SMG7: variants seen among roughly 807,000 people sequenced by gnomAD.
The protein encoded by SMG7 is nonsense-mediated mRNA decay factor SMG7.
SMG7 carries 34 observed loss-of-function variants against 148.2 expected under a neutral mutation model. The observed-to-expected ratio is 0.23, with a 90% confidence interval of 0.17 to 0.31. The LOEUF (loss-of-function observed/expected upper bound fraction) is 0.31, where lower values mean the gene tolerates loss of function less well. SMG7 is among the 10% of genes least tolerant of loss of function. The pLI, the probability that SMG7 is intolerant of heterozygous loss-of-function variation, is 1.00. For missense variants in SMG7, 1,114 were observed against 1,408.4 expected (o/e 0.79, Z 3.35); for synonymous variants, 492 against 515.1 (o/e 0.96, Z 0.61).
Position 183,545,177 on chromosome 1 carries a change from A to G in SMG7, c.2235A>G (p.Thr745=), listed in dbSNP as rs1168766999. 2 of 1,614,096 alleles carry G rather than the reference A, an allele frequency of 1.2e-6. No individual in the cohort carries two copies. Among genetic ancestry groups the G allele is most frequent in the South Asian group, 1.1e-5 (1 of 91,084 alleles). ...AGCCACCTTCCCAGCAACCCCTTAC[A>G]TCTTTACCAGCTCAGCCAACAGCAC... ...QSQPPSQQPL[T]SLPAQPTAQS... The change falls in exon 16 of 23, where the codon ACA becomes ACG. Residue 745 remains threonine, a synonymous_variant. Transcript: ENST00000688051.
chr1:183,500,866 A>G (rs1336795972), intron 1 of SMG7, among the ~76,000 whole-genome samples: 3 of 152,192 alleles, frequency 2.0e-5, no homozygotes, highest in Non-Finnish European at 4.4e-5. Context: ...GTGGCACTTT[A>G]TATGCTATGC....
chr1:183,539,561 C>T (rs1338242505), intron 12 of SMG7, among the ~76,000 whole-genome samples: 1 of 152,180 alleles, frequency 6.6e-6, no homozygotes, highest in Non-Finnish European at 1.5e-5. Flanking sequence ...GATGCATATT[C>T]TAACAATCTG....
chr1:183,542,269 T>C lies in SMG7; in HGVS notation c.1609T>C (p.Cys537Arg). The change falls in exon 14 of 23, where the codon TGT (cysteine) becomes CGT (arginine). Residue 537 changes from cysteine to arginine, a missense_variant. By Grantham distance (180) the Cys-to-Arg change is radical. Transcript: ENST00000688051. ...TACAAGCCGAAATTTAAGCAACAAC[T>C]GTGACACAGGAGAGAAGCCAGTGGT... The part of the protein sequence containing the change: ...LSTSRNLSNN[C>R]DTGEKPVVTF... 6.2e-7 allele frequency: 1 copy of C among 1,614,028 alleles called. No homozygotes were observed. The highest frequency in any genetic ancestry group is 8.5e-7 in the Non-Finnish European group (1 of 1,179,964).
rs1210550808 is a variant in SMG7 at position 183,494,231 on chromosome 1, T to C, written c.30-18606T>C. Among the ~76,000 whole-genome samples the C allele has an allele frequency of 2.0e-5, 3 of 152,032 alleles. No individual in the cohort carries two copies. In the East Asian group the frequency reaches 5.8e-4, roughly 29 times the overall value. On this transcript the variant is annotated intron_variant, in intron 1 of 22. Coordinates refer to ENST00000688051, the MANE Select transcript of SMG7 (RefSeq NM_001375584.1). ...ATTTATATTATGCACCTTTATATTA[T>C]ATAATTTTATGTATAATATAAAATG...
At chr1:183,499,787 G>A (rs537459008) in intron 1 of SMG7, among the ~76,000 whole-genome samples, 3 of 152,044 alleles carry the variant, frequency 2.0e-5, no homozygotes, top group South Asian at 2.1e-4. Context: ...TTGGTGTGCC[G>A]TTACTTACAT....
intron 17 of SMG7, 116 bp from the exon 18 acceptor site, chr1:183,546,987 C>A: frequency 1.0e-6 from 1 of 977,984 alleles, no homozygotes; most frequent in Non-Finnish European, 1.5e-6. Flanking sequence ...TGCCTAATAC[C>A]ATCTATCTCA....
intron 17 of SMG7, among the ~76,000 whole-genome samples, 189 bp from the exon 18 acceptor site, chr1:183,546,914 G>C (rs1670017229): frequency 6.6e-6 from 1 of 152,092 alleles, no homozygotes; most frequent in Non-Finnish European, 1.5e-5. Flanking sequence ...CTATTGTCTT[G>C]AACTTTCTCC....
At chr1:183,480,144 T>C (rs1653700633) in intron 1 of SMG7, among the ~76,000 whole-genome samples, 1 of 152,162 alleles carries the variant, frequency 6.6e-6, no homozygotes, top group South Asian at 2.1e-4. Context: ...TTCCTTTAAC[T>C]GTACTCTTTA....
chr1:183,549,782 A>G lies in SMG7; in HGVS notation c.2992A>G (p.Ser998Gly), dbSNP rs1670641814. Residue 998 changes from serine to glycine, a missense_variant, in exon 20 of 23, where the codon AGT (serine) becomes GGT (glycine). Physicochemically the swap from Ser to Gly is moderately conservative, Grantham distance 56 (BLOSUM62 0). Coordinates refer to ENST00000688051, the MANE Select transcript of SMG7 (RefSeq NM_001375584.1). ...CTTTCAGGAAAGATACCCAAATAAT[A>G]GTATGTTCAATGAGGTATATGGGAA... ...SLNQERYPNN[S>G]MFNEVYGKNL... The G allele has an allele frequency of 1.2e-6, 2 of 1,613,594 alleles. No homozygotes were observed. The highest frequency in any genetic ancestry group is 1.1e-5 in the South Asian group (1 of 91,080).
chr1:183,517,592 A>G (rs1663834793), intron 3 of SMG7, 96 bp from the exon 4 acceptor site: 1 of 1,126,804 alleles, frequency 8.9e-7, no homozygotes, highest in Non-Finnish European at 1.4e-6. Context: ...CTCGTGTGGT[A>G]TAATTATAAC....
intron 17 of SMG7, 27 bp downstream of exon 17, chr1:183,546,364 A>G: frequency 2.5e-6 from 4 of 1,584,664 alleles, no homozygotes; most frequent in South Asian, 1.1e-5. Flanking sequence ...ATCACCAGGC[A>G]ATTTGGAGAT....
Position 183,553,619 on chromosome 1 carries a change from C to CCA in SMG7, c.*1689_*1690insAC, listed in dbSNP as rs972639445. The CCA allele has an allele frequency of 1.2e-5, 2 of 161,244 alleles. No individual in the cohort carries two copies. Among genetic ancestry groups the CCA allele is most frequent in the Non-Finnish European group, 2.7e-5 (2 of 74,282 alleles). The allele number at this position is 161,244 out of a possible 1,614,324, so 10.0% of individuals were successfully genotyped here. ...AGAGAGTGGTTGGAGCCCCCCCCGC[C>CCA]CCGTATGCTTACATTATTGCTCTTT... On this transcript the variant is annotated 3_prime_UTR_variant, in exon 23 of 23. Coordinates refer to ENST00000688051, the MANE Select transcript of SMG7 (RefSeq NM_001375584.1).
intron 1 of SMG7, among the ~76,000 whole-genome samples, chr1:183,477,235 C>A (rs1652439035): frequency 6.6e-6 from 1 of 152,150 alleles, no homozygotes; most frequent in Non-Finnish European, 1.5e-5. Context: ...AGCCACTGTT[C>A]ATACTCTATG....
In SMG7 at chr1:183,515,931, A is replaced by G. The variant is rs770227109; in HGVS notation, c.119A>G (p.Tyr40Cys). 6.2e-6 allele frequency: 10 copies of G among 1,613,758 alleles called. No homozygotes were observed. The highest frequency in any genetic ancestry group is 1.7e-6 in the Non-Finnish European group (2 of 1,179,766). Residue 40 changes from tyrosine (Y) to cysteine (C), a missense_variant, in exon 3 of 23, where the codon TAC (tyrosine) becomes TGC (cysteine). Physicochemically the swap from Tyr to Cys is radical, Grantham distance 194. Coordinates refer to ENST00000688051, the MANE Select transcript of SMG7 (RefSeq NM_001375584.1). ...WTSRQALQDLYQKMLVTDLEY... is the reference protein window; with the variant it reads ...WTSRQALQDLCQKMLVTDLEY... ...TCCAGGCAGGCTCTGCAGGACCTGT[A>G]CCAGAAAATGCTAGTTACCGATTTG...
intron 8 of SMG7, among the ~76,000 whole-genome samples, chr1:183,531,580 T>TA (rs900718140): frequency 1.3e-5 from 2 of 152,148 alleles, no homozygotes; most frequent in African/African-American, 4.8e-5. Context: ...CTTTTAGAGA[T>TA]ATAGGGGAAA....
intron 1 of SMG7, chr1:183,502,499 T>C: frequency 1.1e-6 from 1 of 941,698 alleles, no homozygotes; most frequent in South Asian, 2.6e-5. Flanking sequence ...CTGAAACATT[T>C]GATTTTGGCC....
Position 183,547,117 on chromosome 1 carries a change from C to T in SMG7, c.2757C>T (p.Ser919=). The stretch of plus-strand genomic sequence containing the variant: ...TCTGTCACTAGGACCCCAAGAGCTC[C>T]CCTCTGCTTCCTCCGGACCTGTTAA... ...PRMPFEDPKS[S]PLLPPDLLKS... Residue 919 remains serine (S), a synonymous_variant, in exon 18 of 23, where the codon TCC becomes TCT. Coordinates refer to ENST00000688051, the MANE Select transcript of SMG7 (RefSeq NM_001375584.1). 1.9e-6 allele frequency: 3 copies of T among 1,549,924 alleles called. No individual in the cohort carries two copies. The highest frequency in any genetic ancestry group is 2.6e-6 in the Non-Finnish European group (3 of 1,146,656).
intron 3 of SMG7, among the ~76,000 whole-genome samples, chr1:183,516,351 A>G (rs1388729238): frequency 6.6e-6 from 1 of 152,232 alleles, no homozygotes; most frequent in African/African-American, 2.4e-5. Context: ...AGGCTTTAGA[A>G]AAATCTTTCT....
chr1:183,546,195 C>T lies in SMG7; in HGVS notation c.2600C>T (p.Pro867Leu), dbSNP rs113305929. 1 of 1,614,046 alleles carries T rather than the reference C, an allele frequency of 6.2e-7. No homozygotes were observed. Among genetic ancestry groups the T allele is most frequent in the Non-Finnish European group, 8.5e-7 (1 of 1,179,990 alleles). The change falls in exon 17 of 23, where the codon CCA becomes CTA. Residue 867 changes from proline to leucine, a missense_variant. This residue lies in a region of SMG7 where 788 missense variants were observed against 894.5 expected (regional missense o/e 0.88). Transcript: ENST00000688051. ...YNHNPSEVKVPEFYWDSSYSM... is the reference protein window; with the variant it reads ...YNHNPSEVKVLEFYWDSSYSM... ...CATAATCCCTCAGAAGTCAAGGTCC[C>T]AGAATTCTACTGGGATTCTTCCTAC...
Sources: gnomAD v4.1 joint callset for allele counts (sites outside exome capture counted in the v4.1 genomes callset) on GRCh38, gnomAD v4.1.1 for gene constraint, gnomAD v4.1.1 regional missense constraint, MANE v1.5 for transcripts, NCBI Gene and HGNC (gene_info 2026-07-23, HGNC 2026-07-21) for gene names.